Variants in OPCML observed in about 807,000 individuals in gnomAD.
OPCML encodes opioid-binding protein/cell adhesion molecule.
OPCML carries 13 observed loss-of-function variants against 37.8 expected under a neutral mutation model. The observed-to-expected ratio is 0.34, with a 90% CI of 0.22 to 0.55. The LOEUF is 0.55. Among genes scored for constraint, OPCML ranks in the 20% least tolerant of loss-of-function variants. The pLI is 0.91. For missense variants in OPCML, 341 were observed against 435.6 expected, an observed-to-expected ratio of 0.78 and a Z score of 1.93; for synonymous variants, 176 against 168.8, an observed-to-expected ratio of 1.04 and a Z score of -0.33.
intron 2 of OPCML, among the ~76,000 whole-genome samples, chr11:132,837,120 G>A (rs1213392070): frequency 6.6e-6 from 1 of 152,108 alleles, no homozygotes; most frequent in Non-Finnish European, 1.5e-5. Flanking sequence ...TTCGAGACCA[G>A]CCTGACCAAC....
intron 2 of OPCML, among the ~76,000 whole-genome samples, chr11:132,723,555 A>AT (rs11430368): frequency 0.17 from 25,884 of 151,568 alleles, 3,461 homozygotes; most frequent in East Asian, 0.6. Flanking sequence ...AATTTTAGTG[A>AT]TTTTTTTTTA....
chr11:133,396,328 A>C (rs1419818665), intron 1 of OPCML, among the ~76,000 whole-genome samples: 1 of 152,180 alleles, frequency 6.6e-6, no homozygotes, highest in Non-Finnish European at 1.5e-5. Context: ...ACCAAATATA[A>C]GACAAGATCA....
chr11:133,283,387 A>C (rs1942214187), intron 1 of OPCML, among the ~76,000 whole-genome samples: 1 of 141,386 alleles, frequency 7.1e-6, no homozygotes, highest in African/African-American at 2.7e-5. Flanking sequence ...CCTTGTTCCT[A>C]CTCTTGCCAT....
rs112124381 is a variant in OPCML, at chr11:133,374,298, G to A, written c.61+157966C>T. Among the ~76,000 whole-genome samples, 185 of 152,340 alleles carry A rather than the reference G, an allele frequency of 1.2e-3. 1 individual carries two copies. The highest frequency in any genetic ancestry group is 4.3e-3 in the African/African-American group (177 of 41,576). On this transcript the variant is annotated intron_variant, in intron 1 of 7. Transcript: ENST00000524381. ...AAATGCACTCTAGTGTCTGGAAATA[G>A]AATGTAGATTAGCGGCTGCCTGGGT...
At chr11:133,406,056 G>A (rs925886522) in intron 1 of OPCML, among the ~76,000 whole-genome samples, 20 of 152,056 alleles carry the variant, frequency 1.3e-4, no homozygotes, top group African/African-American at 3.9e-4. Flanking sequence ...CACTGGGTAC[G>A]GACTGTGTCT....
chr11:132,577,245 C>A (rs1007211153), intron 3 of OPCML, among the ~76,000 whole-genome samples: 3 of 152,184 alleles, frequency 2.0e-5, no homozygotes, highest in East Asian at 3.9e-4. Flanking sequence ...GCTTCCTAGT[C>A]CTCTATCTTG....
At chr11:133,493,754 A>T (rs897219089) in intron 1 of OPCML, among the ~76,000 whole-genome samples, 1 of 152,220 alleles carries the variant, frequency 6.6e-6, no homozygotes, top group Non-Finnish European at 1.5e-5. Flanking sequence ...AATGTTTTAG[A>T]CATGAAGTCC....
intron 1 of OPCML, among the ~76,000 whole-genome samples, chr11:133,332,383 T>G (rs891002760): frequency 6.6e-6 from 1 of 152,208 alleles, no homozygotes; most frequent in Non-Finnish European, 1.5e-5. Flanking sequence ...AGAGATAGTT[T>G]GAGTTTCTCT....
chr11:132,600,485 G>A (rs1042113564), intron 3 of OPCML, among the ~76,000 whole-genome samples: 8 of 152,174 alleles, frequency 5.3e-5, no homozygotes, highest in Non-Finnish European at 1.5e-5. Flanking sequence ...TTTTGTATGA[G>A]AGGGGCTGTA....
At chr11:133,073,286 G>A (rs540046465) in intron 1 of OPCML, among the ~76,000 whole-genome samples, 47 of 152,310 alleles carry the variant, frequency 3.1e-4, no homozygotes, top group African/African-American at 1.1e-3. Flanking sequence ...AGGGGCTCTC[G>A]GTTTGCACCT....
chr11:133,016,744 C>T (rs1026212564), intron 1 of OPCML, among the ~76,000 whole-genome samples: 1 of 152,160 alleles, frequency 6.6e-6, no homozygotes, highest in African/African-American at 2.4e-5. Flanking sequence ...GATGTCTCCA[C>T]AGCTTATTTC....
At chr11:133,201,678 G>A (rs550727549) in intron 1 of OPCML, among the ~76,000 whole-genome samples, 6 of 152,272 alleles carry the variant, frequency 3.9e-5, no homozygotes, top group African/African-American at 1.4e-4. Flanking sequence ...GGGATTTTCT[G>A]GAATTCCAGA....
chr11:133,362,901 T>C (rs759053562), intron 1 of OPCML, among the ~76,000 whole-genome samples: 4 of 152,170 alleles, frequency 2.6e-5, no homozygotes, highest in Non-Finnish European at 4.4e-5. Context: ...GGTGGTGATG[T>C]CTGCAATAGC....
chr11:133,447,336 AC>A (rs1376503250), intron 1 of OPCML, among the ~76,000 whole-genome samples: 1 of 152,186 alleles, frequency 6.6e-6, no homozygotes, highest in Non-Finnish European at 1.5e-5. Flanking sequence ...TTGAAGAGAT[AC>A]CTATTTAAAT....
chr11:132,692,928 C>A (rs965818613), intron 2 of OPCML, among the ~76,000 whole-genome samples: 2 of 152,170 alleles, frequency 1.3e-5, no homozygotes, highest in Non-Finnish European at 2.9e-5. Context: ...AAAGCAGACA[C>A]TTATTAAGAA....
intron 1 of OPCML, among the ~76,000 whole-genome samples, chr11:133,413,807 G>A (rs1345629840): frequency 1.3e-5 from 2 of 152,154 alleles, no homozygotes; most frequent in Admixed American, 1.3e-4. Context: ...TGGCTGTCAG[G>A]ATGTGAAAGG....
intron 4 of OPCML, among the ~76,000 whole-genome samples, chr11:132,474,102 C>G (rs989749046): frequency 6.6e-6 from 1 of 152,020 alleles, no homozygotes; most frequent in African/African-American, 2.4e-5. Context: ...TGGGAGGGGA[C>G]GACTGGCCTA....
chr11:132,729,521 T>A (rs1338771884), intron 2 of OPCML, among the ~76,000 whole-genome samples: 1 of 152,214 alleles, frequency 6.6e-6, no homozygotes, highest in Non-Finnish European at 1.5e-5. Flanking sequence ...TAGCTGTGTA[T>A]TCTGGAACTC....
chr11:133,462,419 C>G (rs912675623), intron 1 of OPCML, among the ~76,000 whole-genome samples: 1 of 151,934 alleles, frequency 6.6e-6, no homozygotes, highest in Non-Finnish European at 1.5e-5. Flanking sequence ...GGAGTAAAAA[C>G]TAAATTGCAT....
Sources: gnomAD v4.1 joint callset for allele counts (sites outside exome capture counted in the v4.1 genomes callset) on GRCh38, gnomAD v4.1.1 for gene constraint, MANE v1.5 for transcripts, NCBI Gene and HGNC (gene_info 2026-07-23, HGNC 2026-07-21) for gene names.